Variants in GARS1 observed in about 807,000 individuals in gnomAD.
The protein encoded by GARS1 is glycine--tRNA ligase.
In GARS1, 46 loss-of-function variants were observed where a neutral mutation model predicts 86.4. The ratio of observed to expected loss-of-function variants is 0.53; its 90% confidence interval spans 0.42 to 0.68. GARS1 has a LOEUF of 0.68. GARS1 is among the 30% of genes least tolerant of loss of function. The pLI, the probability that GARS1 is intolerant of heterozygous loss-of-function variation, is 0.00. For synonymous variants in GARS1, 342 were observed against 329.8 expected (o/e 1.04, Z -0.40); for missense variants, 797 against 915.6 (o/e 0.87, Z 1.67).
chr7:30,628,129 A>G (rs1444304977), intron 13 of GARS1, among the ~76,000 whole-genome samples: 2 of 152,034 alleles, frequency 1.3e-5, no homozygotes, highest in African/African-American at 4.8e-5. Flanking sequence ...ATATACAGAG[A>G]TAAAAATCCA....
At chr7:30,622,629 A>G in intron 12 of GARS1, 167 bp downstream of exon 12, 5 of 731,346 alleles carry the variant, frequency 6.8e-6, no homozygotes, top group South Asian at 6.7e-5. Context: ...TAGCCTGAAA[A>G]AAGATTTGAA....
At chr7:30,608,660 C>T (rs1327643498) in intron 6 of GARS1, among the ~76,000 whole-genome samples, 1 of 152,110 alleles carries the variant, frequency 6.6e-6, no homozygotes, top group East Asian at 1.9e-4. Context: ...AATATAATTG[C>T]TCTTTATTGA....
At chr7:30,613,324 G>C (rs541600970) in intron 8 of GARS1, among the ~76,000 whole-genome samples, 5 of 152,324 alleles carry the variant, frequency 3.3e-5, no homozygotes, top group Admixed American at 2.6e-4. Context: ...AAAAGAGGAG[G>C]TCATCAGAAA....
At chr7:30,625,662 A>G (rs1445008962) in intron 12 of GARS1, among the ~76,000 whole-genome samples, 1 of 152,242 alleles carries the variant, frequency 6.6e-6, no homozygotes, top group African/African-American at 2.4e-5. Flanking sequence ...ACACAAATAC[A>G]TGGCAGCCAG....
intron 7 of GARS1, 99 bp from the exon 8 acceptor site, chr7:30,611,997 G>A (rs932445853): frequency 4.6e-6 from 5 of 1,086,008 alleles, no homozygotes; most frequent in Non-Finnish European, 4.3e-6. Context: ...TTGTGAAAAT[G>A]GTATATTTAG....
chr7:30,616,124 CTA>C, intron 9 of GARS1, 66 bp downstream of exon 9: 2 of 1,526,656 alleles, frequency 1.3e-6, no homozygotes, highest in South Asian at 1.1e-5. Context: ...TTAGCAAATT[CTA>C]TGTGTTCTGG....
At chr7:30,608,768 C>G (rs1713740206) in intron 6 of GARS1, among the ~76,000 whole-genome samples, 1 of 152,104 alleles carries the variant, frequency 6.6e-6, no homozygotes, top group Admixed American at 6.5e-5. Context: ...AGCTGTTCTC[C>G]CCTGTTCTTA....
Position 30,632,212 on chromosome 7 carries a change from T to C in GARS1, c.1904-35T>C. ...GATAACACTGGGCTTAACTCCATTG[T>C]TTTATTTTTAATTTACTTTGTTTAT... On this transcript the variant is annotated intron_variant, in intron 15 of 16. Transcript: ENST00000389266. This position sits in a 1 kb window ranked among gnomAD's most constrained non-coding sequence, Gnocchi z 4.1. 6.2e-7 allele frequency: 1 copy of C among 1,607,182 alleles called. No individual in the cohort carries two copies. The highest frequency in any genetic ancestry group is 8.5e-7 in the Non-Finnish European group (1 of 1,174,804).
intron 1 of GARS1, among the ~76,000 whole-genome samples, chr7:30,597,058 C>A (rs967467329): frequency 6.6e-6 from 1 of 152,180 alleles, no homozygotes; most frequent in Non-Finnish European, 1.5e-5. Flanking sequence ...TAATAAAATT[C>A]AAACTTTGGG....
chr7:30,633,032 A>G (rs1453165350), intron 16 of GARS1, among the ~76,000 whole-genome samples: 1 of 152,258 alleles, frequency 6.6e-6, no homozygotes, highest in Non-Finnish European at 1.5e-5. Context: ...AGCTTGATAC[A>G]GAAGTAATAG....
At chr7:30,618,391 T>C (rs1254302839) in intron 10 of GARS1, among the ~76,000 whole-genome samples, 1 of 152,164 alleles carries the variant, frequency 6.6e-6, no homozygotes, top group Admixed American at 6.6e-5. Flanking sequence ...CCTAGCACTT[T>C]GGGAGGCCGA....
At chr7:30,602,490 A>G (rs10239660) in intron 4 of GARS1, among the ~76,000 whole-genome samples, 74,161 of 152,184 alleles carry the variant, frequency 0.49, 21,586 homozygotes, top group Non-Finnish European at 0.65. Context: ...ATTTCAGCCA[A>G]TGAAGAGGAG....
intron 12 of GARS1, among the ~76,000 whole-genome samples, chr7:30,624,284 A>G (rs1415221995): frequency 6.6e-6 from 1 of 152,192 alleles, no homozygotes; most frequent in East Asian, 1.9e-4. Flanking sequence ...GAATTGTTAA[A>G]GGCACTTCTT....
intron 14 of GARS1, among the ~76,000 whole-genome samples, chr7:30,630,240 G>T (rs904186632): frequency 2.0e-5 from 3 of 152,198 alleles, no homozygotes; most frequent in South Asian, 2.1e-4. Flanking sequence ...GAAGGGAATA[G>T]AATTCTGAAC....
intron 14 of GARS1, among the ~76,000 whole-genome samples, chr7:30,629,541 CT>C (rs144980170): frequency 0.04 from 6,044 of 152,318 alleles, 165 homozygotes; most frequent in Middle Eastern, 0.082. Flanking sequence ...GCGTCATCCA[CT>C]TGGCCATTCT....
intron 6 of GARS1, among the ~76,000 whole-genome samples, chr7:30,609,362 A>T (rs1041600643): frequency 1.3e-5 from 2 of 152,194 alleles, no homozygotes; most frequent in African/African-American, 4.8e-5. Flanking sequence ...CAGTGACTAT[A>T]TGAGTTTTAG....
Position 30,628,568 on chromosome 7 carries a change from G to C in GARS1, c.1708G>C (p.Val570Leu). ...TTCTATCTCTTTTTCAGTGGAAGAA[G>C]TTGTTCCGAATGTAATTGAACCTTC... ...RFQKTLYVEE[V>L]VPNVIEPSFG... The change falls in exon 14 of 17, where the codon GTT (valine) becomes CTT (leucine). Residue 570 changes from valine to leucine, a missense_variant. Coordinates refer to ENST00000389266, the MANE Select transcript of GARS1 (RefSeq NM_002047.4). The C allele has an allele frequency of 6.2e-7, 1 of 1,608,186 alleles. No individual in the cohort carries two copies. Among genetic ancestry groups the C allele is most frequent in the Non-Finnish European group, 8.5e-7 (1 of 1,174,756 alleles).
Position 30,599,554 on chromosome 7 carries a change from C to T in GARS1, c.325-393C>T, listed in dbSNP as rs138115668. Reference sequence around the variant, plus strand: ...AGTAGCTGGGATTACAGGTGCCCACCACCAAGCCCAGCTAATTTTTGTATT... The same window carrying T: ...AGTAGCTGGGATTACAGGTGCCCACTACCAAGCCCAGCTAATTTTTGTATT... On this transcript the variant is annotated intron_variant, in intron 2 of 16. Coordinates refer to ENST00000389266, the MANE Select transcript of GARS1 (RefSeq NM_002047.4). 1.5e-3 allele frequency among the ~76,000 whole-genome samples: 231 copies of T among 152,294 alleles called. 1 individual carries two copies. The highest frequency in any genetic ancestry group is 5.3e-3 in the African/African-American group (222 of 41,566).
At chr7:30,597,963 G>A (rs1791289981) in intron 1 of GARS1, among the ~76,000 whole-genome samples, 1 of 152,136 alleles carries the variant, frequency 6.6e-6, no homozygotes, top group South Asian at 2.1e-4. Flanking sequence ...ATTAGTATAA[G>A]TTGTTGGAAG....
Sources: gnomAD v4.1 joint callset for allele counts (sites outside exome capture counted in the v4.1 genomes callset) on GRCh38, gnomAD v4.1.1 for gene constraint, Gnocchi (gnomAD v3.1) non-coding constraint, MANE v1.5 for transcripts, NCBI Gene and HGNC (gene_info 2026-07-23, HGNC 2026-07-21) for gene names.